Variants in LCA5 observed in about 807,000 individuals in gnomAD.
The protein encoded by LCA5 is lebercilin LCA5, also known as lebercilin.
Under a neutral mutation model 53.0 loss-of-function variants are expected in LCA5, and 37 were observed. That is an observed-to-expected ratio of 0.70 (90% confidence interval 0.54 to 0.92). LCA5 has a LOEUF of 0.92. LCA5 is among the 40% of genes least tolerant of loss of function. LCA5 has a pLI of 0.00. For missense variants in LCA5, 806 were observed against 790.5 expected, an observed-to-expected ratio of 1.02 and a Z score of -0.23; for synonymous variants, 303 against 282.9, an observed-to-expected ratio of 1.07 and a Z score of -0.71.
At chr6:79,533,625 C>A (rs1362750445) in intron 1 of LCA5, among the ~76,000 whole-genome samples, 2 of 148,418 alleles carry the variant, frequency 1.3e-5, no homozygotes, top group Admixed American at 6.7e-5. Flanking sequence ...AAAAATTACA[C>A]ATAACAGGTC....
intron 1 of LCA5, among the ~76,000 whole-genome samples, chr6:79,530,669 T>A (rs1198992556): frequency 6.6e-6 from 1 of 152,148 alleles, no homozygotes; most frequent in African/African-American, 2.4e-5. Flanking sequence ...AGCAAGTACA[T>A]CCTTAGGAAA....
chr6:79,504,433 TCAGGTAACATTTATGGA>T (rs932258328), intron 3 of LCA5, among the ~76,000 whole-genome samples: 2 of 152,088 alleles, frequency 1.3e-5, no homozygotes, highest in African/African-American at 4.8e-5. Context: ...TGCCAGATGG[TCAGGTAACATTTATGGA>T]CAGAAAAAGG....
intron 1 of LCA5, among the ~76,000 whole-genome samples, chr6:79,536,957 G>A (rs1041220583): frequency 1.9e-4 from 29 of 151,934 alleles, no homozygotes; most frequent in Admixed American, 1.6e-3. Flanking sequence ...CTCAGAAGCC[G>A]AGCTCTTTAC....
chr6:79,491,353 T>C (rs908369309), intron 6 of LCA5, among the ~76,000 whole-genome samples: 1 of 152,124 alleles, frequency 6.6e-6, no homozygotes, highest in African/African-American at 2.4e-5. Context: ...TATGTATACA[T>C]GTGCCATGCT....
intron 3 of LCA5, among the ~76,000 whole-genome samples, chr6:79,500,113 T>C (rs1384162069): frequency 6.6e-6 from 1 of 152,032 alleles, no homozygotes; most frequent in Admixed American, 6.6e-5. Context: ...ACATTTGGGT[T>C]GGTTCCAAGT....
intron 2 of LCA5, among the ~76,000 whole-genome samples, chr6:79,514,560 A>G (rs1766370296): frequency 6.6e-6 from 1 of 152,156 alleles, no homozygotes; most frequent in Non-Finnish European, 1.5e-5. Context: ...ACACATGCAC[A>G]TGTATGTTCA....
At chr6:79,488,040 T>A (rs574973709) in intron 7 of LCA5, 174 bp from the exon 8 acceptor site, 154 of 597,132 alleles carry the variant, frequency 2.6e-4, no homozygotes, top group Admixed American at 9.6e-4. Context: ...GAGAATAATA[T>A]ATTTAATACG....
Position 79,493,603 on chromosome 6 carries a change from A to G in LCA5, c.858+10T>C. The G allele has an allele frequency of 1.2e-6, 2 of 1,609,930 alleles. No individual in the cohort carries two copies. The highest frequency in any genetic ancestry group is 1.7e-6 in the Non-Finnish European group (2 of 1,176,460). ...ACATTATGGAAAACAATGCAATTTAAAATACTTACCTTTAATTTGTGATAT... is the reference window on the plus strand; with the variant it reads ...ACATTATGGAAAACAATGCAATTTAGAATACTTACCTTTAATTTGTGATAT... On this transcript the variant is annotated intron_variant, in intron 4 of 7. Coordinates refer to ENST00000369846, the MANE Select transcript of LCA5 (RefSeq NM_001122769.3).
chr6:79,503,797 T>C (rs116131277), intron 3 of LCA5, among the ~76,000 whole-genome samples: 1,647 of 152,318 alleles, frequency 0.011, 36 homozygotes, highest in African/African-American at 0.038. Context: ...TGTGTGTGTG[T>C]GCGCGCGTGC....
chr6:79,513,524 C>T lies in LCA5; in HGVS notation c.408G>A (p.Leu136=), dbSNP rs779807120. 65 of 1,613,838 alleles carry T rather than the reference C, an allele frequency of 4.0e-5. No individual in the cohort carries two copies. The South Asian group carries it at 5.8e-4, about 14-fold the overall frequency. ...LAELLKENKS[L]KRLQYRQEKA... ...TCTCCTGTCTGTACTGAAGCCTTTTCAAAGATTTATTTTCTTTTAGCAGCT... is the reference window on the plus strand; with the variant it reads ...TCTCCTGTCTGTACTGAAGCCTTTTTAAAGATTTATTTTCTTTTAGCAGCT... The change falls in exon 3 of 8, where the codon TTG becomes TTA. Residue 136 remains leucine (L), a synonymous_variant. Coordinates refer to ENST00000369846, the MANE Select transcript of LCA5 (RefSeq NM_001122769.3).
intron 3 of LCA5, 44 bp from the exon 4 acceptor site, chr6:79,493,794 C>G (rs1412137725): frequency 6.7e-7 from 1 of 1,502,456 alleles, no homozygotes; most frequent in South Asian, 1.2e-5. Context: ...AAAAAAATTC[C>G]AACAATGAAA....
chr6:79,507,011 T>C (rs1770287727), intron 3 of LCA5, among the ~76,000 whole-genome samples: 1 of 152,176 alleles, frequency 6.6e-6, no homozygotes, highest in Admixed American at 6.5e-5. Flanking sequence ...AAGAAATCAC[T>C]TGTTAAGCTT....
At chr6:79,489,606 C>CTA (rs1769780901) in intron 6 of LCA5, among the ~76,000 whole-genome samples, 2 of 152,070 alleles carry the variant, frequency 1.3e-5, no homozygotes, top group African/African-American at 2.4e-5. Flanking sequence ...TGCTGTTGAA[C>CTA]TATAACATGA....
intron 3 of LCA5, among the ~76,000 whole-genome samples, chr6:79,512,381 G>A (rs545946226): frequency 1.4e-4 from 21 of 152,048 alleles, no homozygotes; most frequent in East Asian, 3.9e-4. Context: ...ATAAGTCCCC[G>A]TCCCTGGGCA....
At chr6:79,517,441 C>T (rs529761808) in intron 2 of LCA5, among the ~76,000 whole-genome samples, 3 of 152,062 alleles carry the variant, frequency 2.0e-5, no homozygotes, top group African/African-American at 7.2e-5. Context: ...CAGGCATTTT[C>T]TAAGGTTCAA....
intron 1 of LCA5, among the ~76,000 whole-genome samples, chr6:79,533,444 A>G (rs1271450521): frequency 6.6e-6 from 1 of 152,084 alleles, no homozygotes; most frequent in East Asian, 1.9e-4. Flanking sequence ...AAAAAGGAAA[A>G]TTATAAGCCT....
At chr6:79,492,513 CAAT>C in intron 5 of LCA5, 35 bp downstream of exon 5, 3 of 950,896 alleles carry the variant, frequency 3.2e-6, no homozygotes, top group Non-Finnish European at 5.0e-6. Context: ...TAAATAATAG[CAAT>C]AATATCAGTT....
chr6:79,530,292 T>C (rs1422484560), intron 1 of LCA5, among the ~76,000 whole-genome samples: 1 of 151,820 alleles, frequency 6.6e-6, no homozygotes, highest in Non-Finnish European at 1.5e-5. Context: ...CCATTATAAG[T>C]GGGAGCTAAA....
intron 1 of LCA5, among the ~76,000 whole-genome samples, chr6:79,536,896 C>T (rs1280397618): frequency 2.0e-5 from 3 of 152,158 alleles, no homozygotes; most frequent in Non-Finnish European, 4.4e-5. Flanking sequence ...TCCTCTCCTC[C>T]TAACTTCCCA....
Sources: gnomAD v4.1 joint callset for allele counts (sites outside exome capture counted in the v4.1 genomes callset) on GRCh38, gnomAD v4.1.1 for gene constraint, MANE v1.5 for transcripts, NCBI Gene and HGNC (gene_info 2026-07-23, HGNC 2026-07-21) for gene names.